Variants in OMA1 observed in about 807,000 individuals in gnomAD.
The protein encoded by OMA1 is OMA1 zinc metallopeptidase, also known as metalloendopeptidase OMA1, mitochondrial.
A neutral mutation model predicts 30.9 loss-of-function variants in OMA1; 38 were observed. The ratio of observed to expected loss-of-function variants is 1.23; its 90% CI spans 0.95 to 1.61. The LOEUF is 1.61. Ranked by LOEUF, OMA1 falls within the 40% of genes most tolerant of loss-of-function variation. OMA1 has a pLI of 0.00. For missense variants in OMA1, 461 were observed against 349.2 expected (o/e 1.32, Z -2.55); for synonymous variants, 173 against 121.9 (o/e 1.42, Z -2.76).
chr1:58,526,723 A>T (rs1646355770), intron 7 of OMA1, among the ~76,000 whole-genome samples: 1 of 152,134 alleles, frequency 6.6e-6, no homozygotes, highest in Admixed American at 6.5e-5. Context: ...CAACAGGATC[A>T]ACCTATCTTC....
At chr1:58,506,000 A>G (rs1001353827) in intron 8 of OMA1, 60 bp downstream of exon 8, 4 of 779,978 alleles carry the variant, frequency 5.1e-6, no homozygotes, top group Non-Finnish European at 6.8e-6. Context: ...AAGAAGTGAC[A>G]GCATTAAAAA....
At chr1:58,486,108 G>C (rs1212957146) in intron 8 of OMA1, among the ~76,000 whole-genome samples, 3 of 152,120 alleles carry the variant, frequency 2.0e-5, no homozygotes, top group South Asian at 4.1e-4. Flanking sequence ...AATTGACATT[G>C]GAATTTGAAC....
Position 58,542,306 on chromosome 1 carries a change from T to A in OMA1, c.-16-2996A>T, listed in dbSNP as rs180793175. ...TAAATAATTTAAGCCTAGAAGTCAT[T>A]TCACAATTCATACTGGAGTAGCTAG... On this transcript the variant is annotated intron_variant, in intron 1 of 8. Transcript: ENST00000371226. Among the ~76,000 whole-genome samples, 10 of 152,342 alleles carry A rather than the reference T, an allele frequency of 6.6e-5. No individual in the cohort carries two copies. The East Asian group carries it at 1.9e-3, about 29-fold the overall frequency.
chr1:58,502,215 G>A (rs778486391), intron 8 of OMA1, among the ~76,000 whole-genome samples: 106 of 152,074 alleles, frequency 7.0e-4, no homozygotes, highest in Non-Finnish European at 1.3e-3. Flanking sequence ...AAATCAAAAT[G>A]ATCAAAATTT....
intron 8 of OMA1, among the ~76,000 whole-genome samples, chr1:58,484,145 C>T (rs1645536048): frequency 6.6e-6 from 1 of 152,206 alleles, no homozygotes; most frequent in African/African-American, 2.4e-5. Context: ...GTGCTAGGTA[C>T]ACATTGGTCA....
chr1:58,517,390 C>A (rs980608541), intron 7 of OMA1, among the ~76,000 whole-genome samples: 3 of 152,176 alleles, frequency 2.0e-5, no homozygotes, highest in African/African-American at 7.2e-5. Context: ...TTTCTCTTGC[C>A]TTTGAACACA....
rs116109439 is a variant in OMA1, at chr1:58,505,610, T to G, written c.1365+450A>C. Among the ~76,000 whole-genome samples the G allele has an allele frequency of 4.2e-3, 636 of 152,188 alleles. 3 individuals carry two copies. Among genetic ancestry groups the G allele is most frequent in the African/African-American group, 0.015 (615 of 41,510 alleles). Reference sequence around the variant, plus strand: ...ATAACCAGAAACAAACATGAAGATTTTTTTTCCTAAAAAAACAAATTCCAG... The same window carrying G: ...ATAACCAGAAACAAACATGAAGATTGTTTTTCCTAAAAAAACAAATTCCAG... On this transcript the variant is annotated intron_variant, in intron 8 of 8. Coordinates refer to ENST00000371226, the MANE Select transcript of OMA1 (RefSeq NM_145243.5).
intron 7 of OMA1, among the ~76,000 whole-genome samples, chr1:58,511,718 T>C (rs890107021): frequency 5.9e-5 from 9 of 152,146 alleles, no homozygotes; most frequent in Non-Finnish European, 1.2e-4. Flanking sequence ...AATATTCACA[T>C]GCAAAAGAAT....
chr1:58,534,013 A>G lies in OMA1; in HGVS notation c.951T>C (p.Asp317=). ...CCAGAAGGAAAGAAAGTTGATGAAT[A>G]TCGGTTACACTATTTAAAAATCCAG... ...VFTGFLNSVT[D]IHQLSFLLGH... is the part of the protein sequence containing the mutation. Residue 317 remains aspartate (D), a synonymous_variant, in exon 5 of 9, where the codon GAT becomes GAC. Coordinates refer to ENST00000371226, the MANE Select transcript of OMA1 (RefSeq NM_145243.5). The G allele has an allele frequency of 1.1e-6, 1 of 871,802 alleles. No individual in the cohort carries two copies. The highest frequency in any genetic ancestry group is 2.0e-6 in the Non-Finnish European group (1 of 501,428). 54.0% of individuals were successfully genotyped at this position (871,802 alleles called of 1,614,324 possible).
intron 7 of OMA1, among the ~76,000 whole-genome samples, chr1:58,509,758 G>T (rs1557446622): frequency 6.7e-6 from 1 of 150,060 alleles, no homozygotes; most frequent in South Asian, 2.1e-4. Flanking sequence ...GTTAGAGTAA[G>T]AAAAAAAAAG....
chr1:58,512,318 T>C (rs1038695375), intron 7 of OMA1, among the ~76,000 whole-genome samples: 1 of 152,176 alleles, frequency 6.6e-6, no homozygotes, highest in Admixed American at 6.5e-5. Context: ...TAAAATGGTG[T>C]GGACTTTATG....
At chr1:58,517,859 CTGGTCAA>C (rs1646181532) in intron 7 of OMA1, among the ~76,000 whole-genome samples, 1 of 151,766 alleles carries the variant, frequency 6.6e-6, no homozygotes, top group South Asian at 2.1e-4. Context: ...GAGGAAAATT[CTGGTCAA>C]TGTCTTCTTA....
chr1:58,506,303 A>G, intron 7 of OMA1, 94 bp from the exon 8 acceptor site: 1 of 664,930 alleles, frequency 1.5e-6, no homozygotes, highest in Non-Finnish European at 2.6e-6. Context: ...TATTATAATT[A>G]TACTTTAAGT....
At chr1:58,483,946 T>C (rs1182440075) in intron 8 of OMA1, among the ~76,000 whole-genome samples, 2 of 151,608 alleles carry the variant, frequency 1.3e-5, no homozygotes, top group Non-Finnish European at 2.9e-5. Flanking sequence ...AGGGGGAGAG[T>C]ATGGAGTCCA....
At chr1:58,483,231 G>A (rs1569862481) in intron 8 of OMA1, among the ~76,000 whole-genome samples, 1 of 152,188 alleles carries the variant, frequency 6.6e-6, no homozygotes, top group Admixed American at 6.5e-5. Context: ...TCAAGGAAGA[G>A]GTCCAGATGG....
chr1:58,527,581 A>G (rs1286213905), intron 6 of OMA1, among the ~76,000 whole-genome samples: 2 of 152,190 alleles, frequency 1.3e-5, no homozygotes, highest in Non-Finnish European at 2.9e-5. Flanking sequence ...AGTCTGTAGT[A>G]TAAGGAATTT....
rs960161327 is a variant in OMA1, at chr1:58,534,011, A to G, written c.953T>C (p.Ile318Thr). ...FTGFLNSVTD[I>T]HQLSFLLGHE... Reference sequence around the variant, plus strand: ...GCCCAGAAGGAAAGAAAGTTGATGAATATCGGTTACACTATTTAAAAATCC... The same window carrying G: ...GCCCAGAAGGAAAGAAAGTTGATGAGTATCGGTTACACTATTTAAAAATCC... Residue 318 changes from isoleucine to threonine, a missense_variant, in exon 5 of 9, where the codon ATT becomes ACT. Coordinates refer to ENST00000371226, the MANE Select transcript of OMA1 (RefSeq NM_145243.5). 1 of 871,700 alleles carries G rather than the reference A, an allele frequency of 1.1e-6. No individual in the cohort carries two copies. The highest frequency in any genetic ancestry group is 1.6e-5 in the African/African-American group (1 of 61,274). 54.0% of individuals were successfully genotyped at this position (871,700 alleles called of 1,614,324 possible). A position where few individuals can be genotyped will look rare whatever the true frequency, so the allele number is the denominator to read the frequency against.
At chr1:58,528,712 G>C (rs1333871235) in intron 6 of OMA1, among the ~76,000 whole-genome samples, 1 of 152,068 alleles carries the variant, frequency 6.6e-6, no homozygotes, top group African/African-American at 2.4e-5. Flanking sequence ...GTGTCATTCG[G>C]TCCTCACAAC....
chr1:58,490,417 A>G (rs1379873159), intron 8 of OMA1, among the ~76,000 whole-genome samples: 1 of 152,204 alleles, frequency 6.6e-6, no homozygotes, highest in Non-Finnish European at 1.5e-5. Context: ...AAATGAACAA[A>G]GCCTCCAAGA....
Sources: gnomAD v4.1 joint callset for allele counts (sites outside exome capture counted in the v4.1 genomes callset) on GRCh38, gnomAD v4.1.1 for gene constraint, MANE v1.5 for transcripts, NCBI Gene and HGNC (gene_info 2026-07-23, HGNC 2026-07-21) for gene names.